PCDH9: variants seen among roughly 807,000 people sequenced by gnomAD.
PCDH9 encodes protocadherin 9.
Under a neutral mutation model 70.6 loss-of-function variants are expected in PCDH9, and 24 were observed. The ratio of observed to expected loss-of-function variants is 0.34; its 90% confidence interval spans 0.25 to 0.48. The LOEUF is 0.48. Among genes scored for constraint, PCDH9 ranks in the 20% least tolerant of loss-of-function variants. The pLI is 0.99. For synonymous variants in PCDH9, 562 were observed against 558.5 expected (o/e 1.01, Z -0.09); for missense variants, 1,281 against 1,503.6 (o/e 0.85, Z 2.45).
Position 66,857,861 on chromosome 13 carries a change from C to T in PCDH9, c.3138+45643G>A, listed in dbSNP as rs1006639747. ...GCACCTTTTCCTCCCAATTCATAGA[C>T]ATACTGATATTATTTGCTTTGTCAC... On this transcript the variant is annotated intron_variant, in intron 3 of 4. Transcript: ENST00000377865. Among the ~76,000 whole-genome samples the T allele has an allele frequency of 4.6e-5, 7 of 152,186 alleles. No homozygotes were observed. In the East Asian group the frequency reaches 1.4e-3, roughly 30 times the overall value.
chr13:66,742,996 A>T (rs1251438221), intron 3 of PCDH9, among the ~76,000 whole-genome samples: 24 of 103,072 alleles, frequency 2.3e-4, no homozygotes, highest in African/African-American at 6.1e-4. Flanking sequence ...GTTACTGGGT[A>T]TATACCCAAA....
intron 3 of PCDH9, among the ~76,000 whole-genome samples, chr13:66,811,185 G>A (rs894589510): frequency 9.9e-5 from 15 of 152,118 alleles, no homozygotes; most frequent in African/African-American, 3.1e-4. Context: ...TATTAAGAAT[G>A]CTGATTTCAA....
intron 3 of PCDH9, among the ~76,000 whole-genome samples, chr13:66,647,241 C>T (rs2077783721): frequency 6.6e-6 from 1 of 152,156 alleles, no homozygotes; most frequent in Admixed American, 6.5e-5. Flanking sequence ...TTGCACTATC[C>T]TCCCCCATCC....
chr13:66,990,320 T>G (rs549385572), intron 2 of PCDH9, among the ~76,000 whole-genome samples: 4 of 151,826 alleles, frequency 2.6e-5, no homozygotes, highest in African/African-American at 9.6e-5. Flanking sequence ...AAAACTTGAG[T>G]GACAGTACTT....
At chr13:66,924,056 CAAGAAGCATGA>C (rs2082679426) in intron 2 of PCDH9, among the ~76,000 whole-genome samples, 1 of 151,680 alleles carries the variant, frequency 6.6e-6, no homozygotes, top group Admixed American at 6.6e-5. Flanking sequence ...AGACGTAAAG[CAAGAAGCATGA>C]GGGCCAAGAA....
chr13:67,169,798 T>C (rs1008241877), intron 2 of PCDH9, among the ~76,000 whole-genome samples: 6 of 152,230 alleles, frequency 3.9e-5, no homozygotes, highest in African/African-American at 1.4e-4. Flanking sequence ...ATTAATCTTT[T>C]AGCCCTGATT....
chr13:66,878,764 A>G (rs1210520704), intron 3 of PCDH9, among the ~76,000 whole-genome samples: 1 of 152,188 alleles, frequency 6.6e-6, no homozygotes. Context: ...TGCAAAGGAA[A>G]ATCATTGGGG....
intron 4 of PCDH9, among the ~76,000 whole-genome samples, chr13:66,370,357 A>C (rs924123547): frequency 5.3e-5 from 8 of 152,022 alleles, no homozygotes; most frequent in African/African-American, 1.9e-4. Context: ...CCTCCCTGCT[A>C]CAGTTCTCCA....
At chr13:66,726,761 T>C (rs1211033455) in intron 3 of PCDH9, among the ~76,000 whole-genome samples, 1 of 152,242 alleles carries the variant, frequency 6.6e-6, no homozygotes, top group Admixed American at 6.5e-5. Context: ...AAGTGCAGTA[T>C]GTTTTAAATA....
chr13:66,702,317 G>A (rs1412427293), intron 3 of PCDH9, among the ~76,000 whole-genome samples: 3 of 151,982 alleles, frequency 2.0e-5, no homozygotes, highest in Non-Finnish European at 4.4e-5. Flanking sequence ...CCAGAACACA[G>A]GTTTTCCGTT....
chr13:66,539,059 A>G (rs144857607), intron 4 of PCDH9, among the ~76,000 whole-genome samples: 39 of 152,244 alleles, frequency 2.6e-4, no homozygotes, highest in African/African-American at 8.7e-4. Flanking sequence ...AGAAGCAAAA[A>G]TGTACAACAA....
intron 3 of PCDH9, among the ~76,000 whole-genome samples, chr13:66,690,322 T>A (rs1439626574): frequency 6.6e-6 from 1 of 152,176 alleles, no homozygotes; most frequent in Non-Finnish European, 1.5e-5. Context: ...AATTGTCTAA[T>A]TTTAAAGTTA....
At chr13:67,009,256 T>G (rs1247152689) in intron 2 of PCDH9, among the ~76,000 whole-genome samples, 1 of 152,044 alleles carries the variant, frequency 6.6e-6, no homozygotes. Flanking sequence ...GACTGTACAT[T>G]GAGAAGCGCA....
At chr13:67,012,452 T>G (rs1047429135) in intron 2 of PCDH9, among the ~76,000 whole-genome samples, 1 of 151,906 alleles carries the variant, frequency 6.6e-6, no homozygotes, top group Non-Finnish European at 1.5e-5. Flanking sequence ...TTTGTCTAAC[T>G]TTTCATTGAT....
At chr13:66,763,151 T>C (rs2139254989) in intron 3 of PCDH9, among the ~76,000 whole-genome samples, 1 of 151,082 alleles carries the variant, frequency 6.6e-6, no homozygotes, top group Non-Finnish European at 1.5e-5. Flanking sequence ...TATATATTTG[T>C]GTAGGTATTT....
At chr13:66,665,425 T>G (rs2078082685) in intron 3 of PCDH9, among the ~76,000 whole-genome samples, 1 of 152,078 alleles carries the variant, frequency 6.6e-6, no homozygotes, top group South Asian at 2.1e-4. Flanking sequence ...TCTAATGACA[T>G]TCCACATTTA....
chr13:66,366,842 C>A (rs992467582), intron 4 of PCDH9, among the ~76,000 whole-genome samples: 11 of 152,072 alleles, frequency 7.2e-5, no homozygotes, highest in Admixed American at 6.6e-4. Flanking sequence ...ACTTAAATTA[C>A]CCTGGTTCAC....
intron 3 of PCDH9, among the ~76,000 whole-genome samples, chr13:66,821,686 C>A (rs574048575): frequency 7.2e-5 from 11 of 152,094 alleles, no homozygotes; most frequent in African/African-American, 1.4e-4. Context: ...TCCAGAATCC[C>A]CAACTTAAGA....
intron 2 of PCDH9, among the ~76,000 whole-genome samples, chr13:66,911,533 T>G (rs559221847): frequency 3.9e-5 from 6 of 152,314 alleles, no homozygotes; most frequent in Non-Finnish European, 7.4e-5. Flanking sequence ...ATGGATGTTA[T>G]ATGAGTTTTA....
Sources: allele counts gnomAD v4.1 joint callset (sites outside exome capture counted in the v4.1 genomes callset), GRCh38; gene constraint gnomAD v4.1.1; transcripts MANE v1.5; gene names NCBI Gene and HGNC (gene_info 2026-07-23, HGNC 2026-07-21).